The following STARD9 variants were observed in gnomAD, a reference collection of about 807,000 sequenced individuals.
The protein encoded by STARD9 is StAR related lipid transfer domain containing 9.
In STARD9, 346 loss-of-function variants were observed where a neutral mutation model predicts 399.8. That is an observed-to-expected ratio of 0.87 (90% CI 0.79 to 0.95). The LOEUF (loss-of-function observed/expected upper bound fraction) is 0.95, where lower values mean the gene tolerates loss of function less well. STARD9 is among the 40% of genes least tolerant of loss of function. STARD9 has a pLI of 0.00. For missense variants in STARD9, 5,832 were observed against 5,667.5 expected, an observed-to-expected ratio of 1.03 and a Z score of -0.93; for synonymous variants, 2,203 against 2,143.5, an observed-to-expected ratio of 1.03 and a Z score of -0.77.
At position 42,692,876 on chromosome 15, in the gene STARD9, A is replaced by G. The variant is rs1203780292; in HGVS notation, c.11298A>G (p.Ser3766=). Reference sequence around the variant, plus strand: ...ATGTGATCCTTGAAGGGCTAGGCTCAGATACCTCGACTGTGTCTCAAGAAG... The same window carrying G: ...ATGTGATCCTTGAAGGGCTAGGCTCGGATACCTCGACTGTGTCTCAAGAAG... The part of the protein sequence containing the change: ...GANVILEGLG[S]DTSTVSQEEG... Residue 3766 remains serine, a synonymous_variant, in exon 23 of 33, where the codon TCA becomes TCG. Coordinates refer to ENST00000290607, the MANE Select transcript of STARD9 (RefSeq NM_020759.3). 1.6e-5 allele frequency: 25 copies of G among 1,537,142 alleles called. No homozygotes were observed. Among genetic ancestry groups the G allele is most frequent in the Non-Finnish European group, 2.0e-5 (23 of 1,146,914 alleles).
chr15:42,642,647 C>G (rs2059563851), intron 7 of STARD9, among the ~76,000 whole-genome samples: 1 of 152,120 alleles, frequency 6.6e-6, no homozygotes, highest in Non-Finnish European at 1.5e-5. Flanking sequence ...ACTAGGACCT[C>G]TAGTACAATA....
intron 16 of STARD9, chr15:42,670,095 A>G (rs1307453823): frequency 6.6e-6 from 1 of 152,162 alleles, no homozygotes; most frequent in Admixed American, 6.5e-5. Flanking sequence ...TTTTAAAAAA[A>G]GGTGGCTTTC....
rs1012983611 is a variant in STARD9 at position 42,684,359 on chromosome 15, C to T, written c.2781C>T (p.Asn927=). ...APDACLTMSP[N]SVGIQEMEMG... The stretch of plus-strand genomic sequence containing the variant: ...ACGCTTGCCTCACCATGAGTCCCAA[C>T]TCTGTTGGCATCCAGGAAATGGAGA... The change falls in exon 23 of 33, where the codon AAC becomes AAT. Residue 927 remains asparagine (N), a synonymous_variant. Coordinates refer to ENST00000290607, the MANE Select transcript of STARD9 (RefSeq NM_020759.3). The T allele has an allele frequency of 2.0e-6, 3 of 1,536,932 alleles. No homozygotes were observed.
chr15:42,582,887 T>C (rs542144776), intron 1 of STARD9, among the ~76,000 whole-genome samples: 1 of 152,314 alleles, frequency 6.6e-6, no homozygotes, highest in South Asian at 2.1e-4. Flanking sequence ...GCCTGACTTC[T>C]AAGGTATAAT....
chr15:42,584,951 G>A (rs982916998), intron 2 of STARD9, among the ~76,000 whole-genome samples: 4 of 152,186 alleles, frequency 2.6e-5, no homozygotes, highest in Admixed American at 2.6e-4. Flanking sequence ...ATGACGCCAT[G>A]AGTGGAAAGT....
At chr15:42,679,967 A>G (rs926717805) in intron 20 of STARD9, among the ~76,000 whole-genome samples, 5 of 152,158 alleles carry the variant, frequency 3.3e-5, no homozygotes, top group African/African-American at 1.2e-4. Flanking sequence ...CATCAAACCA[A>G]TAAGCTTCTC....
At chr15:42,662,103 TAAC>T (rs1230540652) in intron 10 of STARD9, among the ~76,000 whole-genome samples, 1 of 152,070 alleles carries the variant, frequency 6.6e-6, no homozygotes, top group African/African-American at 2.4e-5. Context: ...CTGGGCAACA[TAAC>T]AACATAGCTC....
chr15:42,587,753 C>T (rs139768798), intron 3 of STARD9, among the ~76,000 whole-genome samples: 7 of 152,166 alleles, frequency 4.6e-5, no homozygotes, highest in African/African-American at 1.4e-4. Flanking sequence ...TTAATAGAGA[C>T]GAGGTTTCTC....
chr15:42,686,732 C>T lies in STARD9; in HGVS notation c.5154C>T (p.Ala1718=). 6.5e-7 allele frequency: 1 copy of T among 1,537,556 alleles called. No homozygotes were observed. Among genetic ancestry groups the T allele is most frequent in the Non-Finnish European group, 8.7e-7 (1 of 1,146,988 alleles). The change falls in exon 23 of 33, where the codon GCC becomes GCT. Residue 1718 remains alanine (A), a synonymous_variant. Transcript: ENST00000290607. ...AVRRHINVSF[A]LPSGPELYLH... is the part of the protein sequence containing the mutation. The stretch of plus-strand genomic sequence containing the variant: ...GAAGACACATAAATGTTTCCTTTGC[C>T]CTTCCTTCAGGTCCAGAGCTATACC...
Position 42,694,468 on chromosome 15 carries a change from G to A in STARD9, c.12765-60G>A, listed in dbSNP as rs1355259499. The A allele has an allele frequency of 1.7e-5, 26 of 1,528,558 alleles. No individual in the cohort carries two copies. The South Asian group carries it at 3.1e-4, about 18-fold the overall frequency. 94.7% of individuals were successfully genotyped at this position (1,528,558 alleles called of 1,614,324 possible). ...TCTCTGGGATCTTCCAGGGGTCAGA[G>A]ATAGATCTTAAAGTGAAGGACATTC... On this transcript the variant is annotated intron_variant, in intron 23 of 32. Transcript: ENST00000290607.
intron 3 of STARD9, among the ~76,000 whole-genome samples, chr15:42,587,510 A>G (rs529686557): frequency 3.9e-5 from 6 of 152,296 alleles, no homozygotes; most frequent in Non-Finnish European, 5.9e-5. Context: ...GTCCTTTTGA[A>G]TACGAGGACA....
chr15:42,712,445 T>C (rs908809988), intron 26 of STARD9, among the ~76,000 whole-genome samples: 2 of 152,030 alleles, frequency 1.3e-5, no homozygotes, highest in African/African-American at 4.8e-5. Flanking sequence ...TTTTATGCTT[T>C]TAGCTTCCAC....
intron 7 of STARD9, among the ~76,000 whole-genome samples, chr15:42,645,280 A>G (rs1045727818): frequency 6.6e-6 from 1 of 152,252 alleles, no homozygotes; most frequent in African/African-American, 2.4e-5. Flanking sequence ...TTAAATTATC[A>G]GACTTCAAAG....
chr15:42,694,757 G>C (rs1342067982), intron 24 of STARD9, 32 bp downstream of exon 24: 4 of 1,525,958 alleles, frequency 2.6e-6, no homozygotes, highest in Non-Finnish European at 3.5e-6. Flanking sequence ...GCTGGGAGCA[G>C]GCTCTGTTGG....
chr15:42,691,144 C>T lies in STARD9; in HGVS notation c.9566C>T (p.Ser3189Phe). The T allele has an allele frequency of 6.5e-7, 1 of 1,537,238 alleles. No homozygotes were observed. Among genetic ancestry groups the T allele is most frequent in the Non-Finnish European group, 8.7e-7 (1 of 1,146,894 alleles). ...TELRDHNRLDSQAKFVARLKH... is the reference protein window; with the variant it reads ...TELRDHNRLDFQAKFVARLKH... ...TTGAGGGATCACAATCGCTTGGATT[C>T]CCAAGCCAAGTTTGTAGCAAGGTTA... Residue 3189 changes from serine (S) to phenylalanine (F), a missense_variant, in exon 23 of 33, where the codon TCC becomes TTC. Physicochemically the swap from Ser to Phe is radical, Grantham distance 155. Coordinates refer to ENST00000290607, the MANE Select transcript of STARD9 (RefSeq NM_020759.3).
In STARD9 at chr15:42,685,589, C is replaced by T. The variant is rs1358791775; in HGVS notation, c.4011C>T (p.Ser1337=). Reference sequence around the variant, plus strand: ...AGAGCCCACTGATGTCCATGGATTCCTGGTTTTCCTGTGACTCTAAGATCA... The same window carrying T: ...AGAGCCCACTGATGTCCATGGATTCTTGGTTTTCCTGTGACTCTAAGATCA... The part of the protein sequence containing the change: ...SRESPLMSMD[S]WFSCDSKINP... Residue 1337 remains serine (S), a synonymous_variant, in exon 23 of 33, where the codon TCC becomes TCT. Coordinates refer to ENST00000290607, the MANE Select transcript of STARD9 (RefSeq NM_020759.3). The T allele has an allele frequency of 1.3e-6, 2 of 1,537,598 alleles. No individual in the cohort carries two copies. The highest frequency in any genetic ancestry group is 3.9e-5 in the Admixed American group (2 of 51,002).
intron 3 of STARD9, among the ~76,000 whole-genome samples, chr15:42,590,016 G>A (rs2058363491): frequency 6.8e-6 from 1 of 146,564 alleles, no homozygotes. Context: ...GCTGGAGTAG[G>A]GTGGCGCAGT....
At chr15:42,613,008 AAAG>A (rs1467396783) in intron 3 of STARD9, among the ~76,000 whole-genome samples, 15 of 150,782 alleles carry the variant, frequency 9.9e-5, no homozygotes, top group South Asian at 2.1e-4. Flanking sequence ...AAAAAAAAAA[AAAG>A]AGCAACATCT....
intron 3 of STARD9, among the ~76,000 whole-genome samples, chr15:42,621,294 T>G (rs2059087914): frequency 6.6e-6 from 1 of 152,216 alleles, no homozygotes; most frequent in Non-Finnish European, 1.5e-5. Context: ...ACTTTCAAAT[T>G]ATTTATATCT....
Sources: gnomAD v4.1 joint callset for allele counts (sites outside exome capture counted in the v4.1 genomes callset) on GRCh38, gnomAD v4.1.1 for gene constraint, MANE v1.5 for transcripts, NCBI Gene and HGNC (gene_info 2026-07-23, HGNC 2026-07-21) for gene names.